The following NTRK2 variants were observed in gnomAD, a reference collection of about 807,000 sequenced individuals.
The protein encoded by NTRK2 is BDNF/NT-3 growth factors receptor.
In NTRK2, 13 loss-of-function variants were observed where a neutral mutation model predicts 94.5. The observed-to-expected ratio is 0.14, with a 90% CI of 0.09 to 0.22. The LOEUF (loss-of-function observed/expected upper bound fraction) is 0.22. Ranked by LOEUF, NTRK2 falls within the 10% of genes least tolerant of loss-of-function variation. The pLI, the probability that NTRK2 is intolerant of heterozygous loss-of-function variation, is 1.00. For missense variants in NTRK2, 639 were observed against 1,071.2 expected (o/e 0.60, Z 5.63); for synonymous variants, 372 against 407.4 (o/e 0.91, Z 1.05).
At chr9:84,881,361 A>G (rs1451478295) in intron 14 of NTRK2, among the ~76,000 whole-genome samples, 2 of 152,198 alleles carry the variant, frequency 1.3e-5, no homozygotes, top group African/African-American at 2.4e-5. Context: ...TGGATGATGA[A>G]CGTGTAATCA....
In NTRK2 at chr9:84,983,343, G is replaced by A. The variant is rs201460288; in HGVS notation, c.2172+27826G>A. 5.3e-5 allele frequency among the ~76,000 whole-genome samples: 8 copies of A among 152,188 alleles called. No homozygotes were observed. In the East Asian group the frequency reaches 1.5e-3, roughly 29 times the overall value. ...ACAGATTCTAAGACAAAACCACAGA[G>A]CACCTCTTGTTCTTGGAAATCATCT... is the stretch of plus-strand genomic sequence containing the variant. On this transcript the variant is annotated intron_variant, in intron 17 of 18. Coordinates refer to ENST00000277120, the MANE Select transcript of NTRK2 (RefSeq NM_006180.6).
chr9:84,759,928 A>G (rs1380822426), intron 12 of NTRK2, among the ~76,000 whole-genome samples: 2 of 152,218 alleles, frequency 1.3e-5, no homozygotes, highest in Non-Finnish European at 1.5e-5. Context: ...AAATTCTAAC[A>G]TATGCTTTGA....
At chr9:84,689,972 A>T (rs760760441) in intron 2 of NTRK2, among the ~76,000 whole-genome samples, 1 of 152,206 alleles carries the variant, frequency 6.6e-6, no homozygotes, top group Non-Finnish European at 1.5e-5. Flanking sequence ...TCCTTTTGCA[A>T]AATAACTTAC....
intron 17 of NTRK2, among the ~76,000 whole-genome samples, chr9:85,006,610 C>A (rs1017381676): frequency 2.0e-5 from 3 of 149,758 alleles, no homozygotes; most frequent in African/African-American, 7.7e-5. Context: ...AGAAAGACAC[C>A]CCTGGGGACA....
intron 12 of NTRK2, among the ~76,000 whole-genome samples, chr9:84,778,815 C>T (rs1199394125): frequency 6.6e-6 from 1 of 152,216 alleles, no homozygotes; most frequent in Non-Finnish European, 1.5e-5. Flanking sequence ...TCCCTATCTT[C>T]TGGTGTGTCC....
At chr9:84,908,440 G>A (rs1187224437) in intron 14 of NTRK2, among the ~76,000 whole-genome samples, 1 of 152,036 alleles carries the variant, frequency 6.6e-6, no homozygotes, top group Non-Finnish European at 1.5e-5. Flanking sequence ...ATAATAAACA[G>A]AACACTAGTT....
At chr9:84,688,577 G>T (rs1409764344) in intron 2 of NTRK2, among the ~76,000 whole-genome samples, 1 of 152,172 alleles carries the variant, frequency 6.6e-6, no homozygotes, top group Non-Finnish European at 1.5e-5. Flanking sequence ...AGCAGTCAAT[G>T]AGAATTGTTA....
chr9:84,767,104 T>C (rs958920959), intron 12 of NTRK2, among the ~76,000 whole-genome samples: 2 of 152,208 alleles, frequency 1.3e-5, no homozygotes, highest in African/African-American at 4.8e-5. Context: ...ATTCTTCTCA[T>C]CTTCAGCCTG....
chr9:84,789,117 AG>A (rs762439960), intron 12 of NTRK2, among the ~76,000 whole-genome samples: 3 of 152,224 alleles, frequency 2.0e-5, no homozygotes, highest in Non-Finnish European at 4.4e-5. Context: ...AAGAACAGCT[AG>A]GTTCTGATTT....
chr9:84,807,118 C>G (rs905690652), intron 12 of NTRK2, among the ~76,000 whole-genome samples: 1 of 152,208 alleles, frequency 6.6e-6, no homozygotes, highest in Non-Finnish European at 1.5e-5. Flanking sequence ...TTGGGCTCAG[C>G]AGTTTTCCTT....
At chr9:84,983,244 TG>T (rs1342024193) in intron 17 of NTRK2, among the ~76,000 whole-genome samples, 28 of 151,980 alleles carry the variant, frequency 1.8e-4, no homozygotes, top group African/African-American at 6.3e-4. Context: ...GACCCCAAGG[TG>T]AAATTGACAG....
intron 4 of NTRK2, 145 bp from the exon 5 acceptor site, chr9:84,707,699 T>A (rs1243921177): frequency 7.7e-6 from 5 of 648,126 alleles, no homozygotes; most frequent in African/African-American, 7.3e-5. Context: ...TCACTCTAAG[T>A]GAAAGAGAGA....
At chr9:84,771,809 A>T in intron 12 of NTRK2, among the ~76,000 whole-genome samples, 1 of 152,354 alleles carries the variant, frequency 6.6e-6, no homozygotes, top group African/African-American at 2.4e-5. Flanking sequence ...TGCTTAGCTT[A>T]TCATATTGAA....
intron 14 of NTRK2, chr9:84,876,748 T>C (rs2076082051): frequency 1.9e-6 from 2 of 1,061,280 alleles, no homozygotes; most frequent in Non-Finnish European, 2.3e-6. Flanking sequence ...TTTCCTGATA[T>C]CTACAGAAAC....
chr9:84,734,460 C>CT (rs1290534992), intron 9 of NTRK2, among the ~76,000 whole-genome samples: 1 of 152,188 alleles, frequency 6.6e-6, no homozygotes, highest in Non-Finnish European at 1.5e-5. Flanking sequence ...TCTTGAGACT[C>CT]TATCATTTTA....
chr9:84,995,443 C>A (rs1416602210), intron 17 of NTRK2, among the ~76,000 whole-genome samples: 1 of 151,922 alleles, frequency 6.6e-6, no homozygotes, highest in Non-Finnish European at 1.5e-5. Context: ...CCAATGAGAC[C>A]CTACAAAATC....
At chr9:84,929,063 A>G (rs2077925964) in intron 14 of NTRK2, among the ~76,000 whole-genome samples, 1 of 152,128 alleles carries the variant, frequency 6.6e-6, no homozygotes, top group South Asian at 2.1e-4. Context: ...ATAAAGTTAT[A>G]TTTATTTTTT....
At chr9:84,834,938 A>G (rs1014498644) in intron 12 of NTRK2, among the ~76,000 whole-genome samples, 2 of 152,228 alleles carry the variant, frequency 1.3e-5, no homozygotes, top group East Asian at 1.9e-4. Context: ...GCAACAAAAC[A>G]TGGGCAATAT....
intron 12 of NTRK2, among the ~76,000 whole-genome samples, chr9:84,829,118 C>G (rs561819561): frequency 2.0e-5 from 3 of 152,058 alleles, no homozygotes; most frequent in Non-Finnish European, 4.4e-5. Context: ...CATGCCTCAG[C>G]CTCTCCAGTA....
Sources: allele counts gnomAD v4.1 joint callset (sites outside exome capture counted in the v4.1 genomes callset), GRCh38; gene constraint gnomAD v4.1.1; transcripts MANE v1.5; gene names NCBI Gene and HGNC (gene_info 2026-07-23, HGNC 2026-07-21).